The following PAK3 variants were observed in gnomAD, a reference collection of about 807,000 sequenced individuals.
PAK3 encodes the protein serine/threonine-protein kinase PAK 3.
In PAK3, 4 loss-of-function variants were observed where a neutral mutation model predicts 41.0. The observed-to-expected ratio is 0.10, with a 90% CI of 0.05 to 0.22. The LOEUF is 0.22. PAK3 is among the 10% of genes least tolerant of loss of function. The probability of loss-of-function intolerance (pLI) is 1.00; values close to 1 mark genes in which losing one functional copy is unlikely to be tolerated. For synonymous variants in PAK3, 146 were observed against 139.6 expected (o/e 1.05, Z -0.32); for missense variants, 205 against 409.9 (o/e 0.50, Z 4.32).
intron 1 of PAK3, among the ~76,000 whole-genome samples, chrX:110,963,215 AT>A (rs1180829191): frequency 8.9e-6 from 1 of 112,434 alleles, no homozygotes; most frequent in Non-Finnish European, 1.9e-5. Flanking sequence ...CTGAATTAAA[AT>A]TTTTTACATG....
chrX:111,154,852 G>A (rs914938627), intron 8 of PAK3, among the ~76,000 whole-genome samples: 1 of 111,088 alleles, frequency 9.0e-6, no homozygotes. Flanking sequence ...AATCTTGACT[G>A]GGTATTCTGG....
At chrX:111,100,630 G>T (rs1411890646) in intron 3 of PAK3, among the ~76,000 whole-genome samples, 1 of 111,658 alleles carries the variant, frequency 9.0e-6, no homozygotes, top group African/African-American at 3.3e-5. Context: ...CCTGAAAAAG[G>T]TTCCAAACCT....
intron 4 of PAK3, among the ~76,000 whole-genome samples, chrX:111,117,279 G>A (rs1048661674): frequency 8.9e-6 from 1 of 111,758 alleles, no homozygotes; most frequent in Non-Finnish European, 1.9e-5. Flanking sequence ...GTGTGTTTGT[G>A]GGTTTACTTG....
At chrX:111,011,121 T>C (rs1263849250) in intron 1 of PAK3, among the ~76,000 whole-genome samples, 2 of 111,505 alleles carry the variant, frequency 1.8e-5, no homozygotes, top group Admixed American at 9.5e-5. Context: ...TGATTCAGAT[T>C]GTTATTCTTG....
At chrX:111,107,359 C>T (rs1039644664) in intron 4 of PAK3, among the ~76,000 whole-genome samples, 3 of 112,279 alleles carry the variant, frequency 2.7e-5, no homozygotes, top group Non-Finnish European at 5.6e-5. Context: ...GTAGACCCCA[C>T]TGAAATTTCA....
Position 111,213,994 on chromosome X carries a change from C to A in PAK3, c.1408-2427C>A, listed in dbSNP as rs770565356. Among the ~76,000 whole-genome samples the A allele has an allele frequency of 2.6e-4, 29 of 111,450 alleles. No individual in the cohort carries two copies. The East Asian group carries it at 7.3e-3, about 28-fold the overall frequency. ...TGGAGGTCCTAATAGCTGCCACCTGCATTTCCTGTTCATCAATGAAGGTAT... is the reference window on the plus strand; with the variant it reads ...TGGAGGTCCTAATAGCTGCCACCTGAATTTCCTGTTCATCAATGAAGGTAT... On this transcript the variant is annotated intron_variant, in intron 16 of 17. Transcript: ENST00000372007.
intron 11 of PAK3, among the ~76,000 whole-genome samples, chrX:111,182,707 A>G (rs767463175): frequency 4.5e-5 from 5 of 111,155 alleles, no homozygotes; most frequent in Non-Finnish European, 9.4e-5. Flanking sequence ...ATATAGATAT[A>G]TAATCTGTTT....
At position 111,213,154 on chromosome X, in the gene PAK3, C is replaced by T. The variant is rs1364516975; in HGVS notation, c.1408-3267C>T. On this transcript the variant is annotated intron_variant, in intron 16 of 17. Coordinates refer to ENST00000372007, the MANE Select transcript of PAK3 (RefSeq NM_002578.5). The stretch of plus-strand genomic sequence containing the variant: ...ACTAATCAACCAGGGCAGGAGTCTG[C>T]TGTTAGGCCACCAGTCAGAACCTCC... 6.2e-5 allele frequency among the ~76,000 whole-genome samples: 7 copies of T among 112,086 alleles called. No homozygotes were observed. The Admixed American group carries it at 6.6e-4, about 11-fold the overall frequency.
chrX:110,979,140 TA>T (rs893276728), intron 1 of PAK3, among the ~76,000 whole-genome samples: 2 of 110,996 alleles, frequency 1.8e-5, no homozygotes, highest in African/African-American at 6.6e-5. Flanking sequence ...TTTATCCTTA[TA>T]ATGTTTATAG....
At chrX:111,186,746 G>T (rs1300081304) in intron 11 of PAK3, among the ~76,000 whole-genome samples, 1 of 111,805 alleles carries the variant, frequency 8.9e-6, no homozygotes, top group Non-Finnish European at 1.9e-5. Context: ...TCCCCATCAA[G>T]CTACCATTGA....
intron 3 of PAK3, among the ~76,000 whole-genome samples, chrX:111,098,026 A>T (rs930177917): frequency 9.0e-6 from 1 of 110,870 alleles, no homozygotes; most frequent in Non-Finnish European, 1.9e-5. Flanking sequence ...TGTAGGAGAG[A>T]TCTGACAGGA....
At chrX:111,136,660 A>C (rs774388458) in intron 5 of PAK3, among the ~76,000 whole-genome samples, 2 of 112,124 alleles carry the variant, frequency 1.8e-5, no homozygotes, top group East Asian at 2.8e-4. Flanking sequence ...AGCACTTGAA[A>C]CAATTAGCAG....
intron 5 of PAK3, among the ~76,000 whole-genome samples, chrX:111,129,089 T>C (rs1378180694): frequency 8.9e-6 from 1 of 111,911 alleles, no homozygotes; most frequent in African/African-American, 3.2e-5. Context: ...ACAACAATTA[T>C]ATTAAAGAAA....
At chrX:111,075,296 G>A (rs1298977553) in intron 1 of PAK3, among the ~76,000 whole-genome samples, 1 of 112,620 alleles carries the variant, frequency 8.9e-6, no homozygotes, top group East Asian at 2.8e-4. Context: ...CACAGGCCCA[G>A]AGGCTTAAGA....
chrX:111,086,090 T>C (rs2092879920), intron 1 of PAK3, among the ~76,000 whole-genome samples: 1 of 95,702 alleles, frequency 1.0e-5, no homozygotes, highest in African/African-American at 4.2e-5. Flanking sequence ...TGTGTGTGTG[T>C]GCATGTGCAC....
chrX:111,181,534 A>G (rs1229875150), intron 11 of PAK3, among the ~76,000 whole-genome samples: 1 of 111,362 alleles, frequency 9.0e-6, no homozygotes, highest in African/African-American at 3.3e-5. Flanking sequence ...TAAGTATATA[A>G]TGTTAGGTAT....
chrX:111,015,426 T>C lies in PAK3; in HGVS notation c.-28+70798T>C, dbSNP rs138213141. On this transcript the variant is annotated intron_variant, in intron 1 of 14. Coordinates refer to the PAK3 transcript ENST00000425146. ...ATAAACATTGGTGTACAAGTATCTC[T>C]TTGAGATACTGTTTTTGACTCTTTT... 1.4e-3 allele frequency among the ~76,000 whole-genome samples: 158 copies of C among 111,546 alleles called. 1 individual carries two copies. Among genetic ancestry groups the C allele is most frequent in the Non-Finnish European group, 3.6e-4 (19 of 53,022 alleles).
intron 1 of PAK3, among the ~76,000 whole-genome samples, chrX:110,980,238 T>C (rs771930203): frequency 5.3e-5 from 6 of 112,255 alleles, no homozygotes; most frequent in Non-Finnish European, 9.4e-5. Flanking sequence ...TAATGTAACA[T>C]AATCATTGGA....
intron 1 of PAK3, among the ~76,000 whole-genome samples, chrX:111,026,459 T>G (rs2092270944): frequency 8.9e-6 from 1 of 111,841 alleles, no homozygotes; most frequent in Admixed American, 9.5e-5. Flanking sequence ...CGGCAAAGTT[T>G]TAGGATACAA....
Sources: allele counts gnomAD v4.1 joint callset (sites outside exome capture counted in the v4.1 genomes callset), GRCh38; gene constraint gnomAD v4.1.1; transcripts MANE v1.5; gene names NCBI Gene and HGNC (gene_info 2026-07-23, HGNC 2026-07-21).